TACR1: variants seen among roughly 807,000 people sequenced by gnomAD.
TACR1 encodes the protein tachykinin receptor 1.
Under a neutral mutation model 35.8 loss-of-function variants are expected in TACR1, and 25 were observed. The ratio of observed to expected loss-of-function variants is 0.70; its 90% confidence interval spans 0.51 to 0.98. The LOEUF (loss-of-function observed/expected upper bound fraction) is 0.98. Ranked by LOEUF, TACR1 falls within the 50% of genes least tolerant of loss-of-function variation. The pLI is 0.00. For missense variants in TACR1, 478 were observed against 522.9 expected (o/e 0.91, Z 0.84); for synonymous variants, 195 against 206.7 (o/e 0.94, Z 0.48).
At chr2:75,181,737 C>A (rs1675563316) in intron 1 of TACR1, among the ~76,000 whole-genome samples, 2 of 152,060 alleles carry the variant, frequency 1.3e-5, no homozygotes, top group Admixed American at 1.3e-4. Context: ...TAGTTTTATT[C>A]ATGGATAAAT....
intron 2 of TACR1, among the ~76,000 whole-genome samples, chr2:75,057,240 T>C (rs2103789861): frequency 6.6e-6 from 1 of 152,334 alleles, no homozygotes; most frequent in African/African-American, 2.4e-5. Flanking sequence ...TGGCTCATCC[T>C]GGCTCATCCT....
chr2:75,108,967 C>A (rs981204102), intron 2 of TACR1, among the ~76,000 whole-genome samples: 2 of 152,126 alleles, frequency 1.3e-5, no homozygotes, highest in African/African-American at 4.8e-5. Context: ...GAAACAAGTG[C>A]AGGAGGTCAC....
intron 1 of TACR1, among the ~76,000 whole-genome samples, chr2:75,121,807 A>G (rs1673975930): frequency 6.6e-6 from 1 of 152,232 alleles, no homozygotes; most frequent in Admixed American, 6.5e-5. Context: ...AAACCTCAGA[A>G]TCACACATTG....
At chr2:75,192,495 C>T (rs1214537593) in intron 1 of TACR1, among the ~76,000 whole-genome samples, 1 of 152,096 alleles carries the variant, frequency 6.6e-6, no homozygotes, top group Non-Finnish European at 1.5e-5. Context: ...CTTACAATGG[C>T]CCTGTTTGGA....
At chr2:75,129,067 TC>T (rs1178476826) in intron 1 of TACR1, among the ~76,000 whole-genome samples, 1 of 152,114 alleles carries the variant, frequency 6.6e-6, no homozygotes, top group Admixed American at 6.6e-5. Context: ...CCACATTAGC[TC>T]CAGCAGCAGA....
At chr2:75,059,496 A>C (rs1203433508) in intron 2 of TACR1, among the ~76,000 whole-genome samples, 1 of 152,156 alleles carries the variant, frequency 6.6e-6, no homozygotes, top group Non-Finnish European at 1.5e-5. Flanking sequence ...ATTGGCCTGC[A>C]GTGCAGCTTT....
At chr2:75,143,417 AAAAAG>A (rs1361604988) in intron 1 of TACR1, among the ~76,000 whole-genome samples, 2 of 152,338 alleles carry the variant, frequency 1.3e-5, no homozygotes, top group Admixed American at 6.5e-5. Flanking sequence ...AAATTTATAA[AAAAAG>A]AAAACATCAG....
chr2:75,147,922 T>A (rs1674580025), intron 1 of TACR1, among the ~76,000 whole-genome samples: 1 of 151,860 alleles, frequency 6.6e-6, no homozygotes, highest in African/African-American at 2.4e-5. Flanking sequence ...TTTTTTGTAT[T>A]TTTTTAGTAG....
At chr2:75,144,213 C>T (rs1030101607) in intron 1 of TACR1, among the ~76,000 whole-genome samples, 9 of 152,152 alleles carry the variant, frequency 5.9e-5, no homozygotes, top group African/African-American at 2.2e-4. Flanking sequence ...ATCGATGGAG[C>T]TCCCTGGACT....
chr2:75,182,445 A>G (rs1050782912), intron 1 of TACR1, among the ~76,000 whole-genome samples: 1 of 152,186 alleles, frequency 6.6e-6, no homozygotes, highest in Non-Finnish European at 1.5e-5. Context: ...CTTCCTTTAG[A>G]TCTCAGCCCT....
At chr2:75,169,939 C>T (rs1044373729) in intron 1 of TACR1, among the ~76,000 whole-genome samples, 9 of 151,986 alleles carry the variant, frequency 5.9e-5, no homozygotes, top group Non-Finnish European at 8.8e-5. Flanking sequence ...TTTCTGTTTC[C>T]ATTACTACCT....
chr2:75,170,895 G>A (rs1023801132), intron 1 of TACR1, among the ~76,000 whole-genome samples: 5 of 152,156 alleles, frequency 3.3e-5, no homozygotes, highest in Non-Finnish European at 7.4e-5. Context: ...GTTTTATGTA[G>A]TCACAAAGAT....
At chr2:75,070,146 T>A (rs1023261736) in intron 2 of TACR1, among the ~76,000 whole-genome samples, 2 of 152,248 alleles carry the variant, frequency 1.3e-5, no homozygotes, top group African/African-American at 4.8e-5. Flanking sequence ...ATTATGTCAT[T>A]TATTTTGCTC....
chr2:75,071,682 A>G (rs868468962), intron 2 of TACR1, among the ~76,000 whole-genome samples: 4 of 152,182 alleles, frequency 2.6e-5, no homozygotes, highest in African/African-American at 2.4e-5. Context: ...CAGGCTTCCA[A>G]TTGCCTATGA....
intron 1 of TACR1, among the ~76,000 whole-genome samples, chr2:75,147,082 G>C (rs117310549): frequency 6.6e-6 from 1 of 152,218 alleles, no homozygotes; most frequent in African/African-American, 2.4e-5. Flanking sequence ...GCCATCAGAC[G>C]GTGAGTAGGA....
chr2:75,146,282 C>T (rs1674510094), intron 1 of TACR1, among the ~76,000 whole-genome samples: 1 of 152,066 alleles, frequency 6.6e-6, no homozygotes, highest in Non-Finnish European at 1.5e-5. Context: ...GCCACTATGC[C>T]TGGCTAATTT....
At chr2:75,064,234 G>C (rs1672725626) in intron 2 of TACR1, among the ~76,000 whole-genome samples, 2 of 152,224 alleles carry the variant, frequency 1.3e-5, no homozygotes, top group Admixed American at 1.3e-4. Flanking sequence ...CCTTCAGTCT[G>C]CTTAGGGAGA....
intron 1 of TACR1, among the ~76,000 whole-genome samples, chr2:75,178,018 T>C (rs1268271347): frequency 6.6e-6 from 1 of 152,164 alleles, no homozygotes; most frequent in Non-Finnish European, 1.5e-5. Flanking sequence ...CATTTTATCA[T>C]AAAATCTACC....
chr2:75,175,487 C>T (rs1012491581), intron 1 of TACR1, among the ~76,000 whole-genome samples: 1 of 152,184 alleles, frequency 6.6e-6, no homozygotes, highest in African/African-American at 2.4e-5. Flanking sequence ...ATAAAGATGT[C>T]CTTGCAGAGA....
Sources: gnomAD v4.1 joint callset for allele counts (sites outside exome capture counted in the v4.1 genomes callset) on GRCh38, gnomAD v4.1.1 for gene constraint, MANE v1.5 for transcripts, NCBI Gene and HGNC (gene_info 2026-07-23, HGNC 2026-07-21) for gene names.